Variants in DPP10 observed in about 807,000 individuals in gnomAD.
The protein encoded by DPP10 is inactive dipeptidyl peptidase 10.
Under a neutral mutation model 120.9 loss-of-function variants are expected in DPP10, and 33 were observed. The observed-to-expected ratio is 0.27, with a 90% CI of 0.21 to 0.37. The LOEUF is 0.37. Among genes scored for constraint, DPP10 ranks in the 10% least tolerant of loss-of-function variants. The pLI, the probability that DPP10 is intolerant of heterozygous loss-of-function variation, is 1.00. For missense variants in DPP10, 816 were observed against 942.8 expected (o/e 0.87, Z 1.76); for synonymous variants, 337 against 326.1 (o/e 1.03, Z -0.36).
chr2:115,474,095 A>G (rs950066419), intron 3 of DPP10, among the ~76,000 whole-genome samples: 11 of 152,206 alleles, frequency 7.2e-5, no homozygotes, highest in African/African-American at 2.7e-4. Context: ...CAATCCCTAT[A>G]CATTGTGATC....
chr2:114,585,585 A>G (rs868631437), intron 1 of DPP10, among the ~76,000 whole-genome samples: 1 of 152,200 alleles, frequency 6.6e-6, no homozygotes. Context: ...AATTCTGCCT[A>G]TCACTGAGCT....
intron 1 of DPP10, among the ~76,000 whole-genome samples, chr2:114,855,108 G>C (rs1689269974): frequency 6.6e-6 from 1 of 152,126 alleles, no homozygotes; most frequent in Non-Finnish European, 1.5e-5. Context: ...TCAAAAGAGG[G>C]AATGGTGGGG....
At chr2:114,720,914 T>C (rs898508311) in intron 1 of DPP10, among the ~76,000 whole-genome samples, 1 of 152,224 alleles carries the variant, frequency 6.6e-6, no homozygotes, top group African/African-American at 2.4e-5. Context: ...ATGATGAAGC[T>C]GCAAGATGGA....
At chr2:115,193,833 G>A (rs905567204) in intron 1 of DPP10, among the ~76,000 whole-genome samples, 3 of 152,178 alleles carry the variant, frequency 2.0e-5, no homozygotes, top group South Asian at 4.2e-4. Context: ...TCAATCACCC[G>A]GGAGGAACCA....
At chr2:115,614,824 T>A (rs191124282) in intron 5 of DPP10, among the ~76,000 whole-genome samples, 4 of 152,286 alleles carry the variant, frequency 2.6e-5, no homozygotes, top group Admixed American at 6.5e-5. Context: ...TTGAGGGAGA[T>A]CATCTCTGAG....
intron 1 of DPP10, among the ~76,000 whole-genome samples, chr2:114,500,941 A>G (rs1373987107): frequency 1.3e-5 from 2 of 152,208 alleles, no homozygotes; most frequent in Non-Finnish European, 2.9e-5. Context: ...CGAGGGCCAC[A>G]GAAAAGGCAC....
intron 3 of DPP10, among the ~76,000 whole-genome samples, chr2:115,466,956 T>C (rs2074364673): frequency 6.6e-6 from 1 of 151,990 alleles, no homozygotes; most frequent in Non-Finnish European, 1.5e-5. Flanking sequence ...TTGAATTCAA[T>C]TTTTTTTGAG....
chr2:114,523,117 G>T (rs1481115502), intron 1 of DPP10, among the ~76,000 whole-genome samples: 1 of 152,170 alleles, frequency 6.6e-6, no homozygotes, highest in Non-Finnish European at 1.5e-5. Context: ...GAAGGATGTG[G>T]ATAAACAGGA....
At chr2:114,554,349 T>C (rs1688120326) in intron 1 of DPP10, among the ~76,000 whole-genome samples, 1 of 151,916 alleles carries the variant, frequency 6.6e-6, no homozygotes, top group Non-Finnish European at 1.5e-5. Flanking sequence ...CTGTGAGGAG[T>C]TCTGGTTCTG....
intron 5 of DPP10, among the ~76,000 whole-genome samples, chr2:115,577,146 T>C (rs1284684734): frequency 6.6e-6 from 1 of 152,194 alleles, no homozygotes; most frequent in Non-Finnish European, 1.5e-5. Context: ...TTTCTACTTA[T>C]GAGAAATTGT....
intron 3 of DPP10, among the ~76,000 whole-genome samples, chr2:115,395,217 C>G (rs560372911): frequency 6.6e-6 from 1 of 152,338 alleles, no homozygotes; most frequent in East Asian, 1.9e-4. Flanking sequence ...CAGACCCCCA[C>G]TCTTCTGCCT....
At chr2:115,351,783 G>A (rs911680684) in intron 3 of DPP10, among the ~76,000 whole-genome samples, 1 of 151,944 alleles carries the variant, frequency 6.6e-6, no homozygotes, top group African/African-American at 2.4e-5. Context: ...CTCTCCAAAT[G>A]ACCAAAAATG....
At chr2:114,861,252 A>G (rs1188060164) in intron 1 of DPP10, among the ~76,000 whole-genome samples, 1 of 152,194 alleles carries the variant, frequency 6.6e-6, no homozygotes. Flanking sequence ...ACTGCTCACA[A>G]GCAGGTGGGC....
At chr2:115,233,339 T>G (rs1375366622) in intron 1 of DPP10, among the ~76,000 whole-genome samples, 1 of 152,138 alleles carries the variant, frequency 6.6e-6, no homozygotes, top group Non-Finnish European at 1.5e-5. Context: ...TGATTTCATG[T>G]CATTTCAGGC....
intron 3 of DPP10, among the ~76,000 whole-genome samples, chr2:115,355,056 G>A (rs775060649): frequency 2.0e-5 from 3 of 152,110 alleles, no homozygotes; most frequent in African/African-American, 7.2e-5. Context: ...AATCTTTTGG[G>A]TATATATCCA....
intron 2 of DPP10, among the ~76,000 whole-genome samples, chr2:115,318,239 T>C (rs548913468): frequency 1.8e-4 from 28 of 152,260 alleles, no homozygotes; most frequent in African/African-American, 6.7e-4. Context: ...TCCTTGGTTA[T>C]AGATATATGA....
chr2:115,730,941 C>T (rs907261691), intron 8 of DPP10, among the ~76,000 whole-genome samples: 14 of 152,112 alleles, frequency 9.2e-5, no homozygotes, highest in African/African-American at 2.2e-4. Flanking sequence ...GAAACTAAGA[C>T]GCACCCAGTG....
At chr2:115,506,312 T>C (rs1340143481) in intron 4 of DPP10, among the ~76,000 whole-genome samples, 1 of 152,124 alleles carries the variant, frequency 6.6e-6, no homozygotes, top group African/African-American at 2.4e-5. Context: ...CAATTTTTGG[T>C]AAACATTAAA....
intron 5 of DPP10, among the ~76,000 whole-genome samples, chr2:115,680,041 T>C (rs2090541808): frequency 6.6e-6 from 1 of 152,008 alleles, no homozygotes; most frequent in Non-Finnish European, 1.5e-5. Flanking sequence ...AGGTGATGAG[T>C]ATGCTAATTA....
Sources: allele counts gnomAD v4.1 joint callset (sites outside exome capture counted in the v4.1 genomes callset), GRCh38; gene constraint gnomAD v4.1.1; transcripts MANE v1.5; gene names NCBI Gene and HGNC (gene_info 2026-07-23, HGNC 2026-07-21).